Variants in RBP5 observed in about 807,000 individuals in gnomAD.
RBP5 encodes the protein retinol-binding protein 5.
In RBP5, 12 loss-of-function variants were observed where a neutral mutation model predicts 17.8. The observed-to-expected ratio is 0.67, with a 90% CI of 0.43 to 1.09. The LOEUF (loss-of-function observed/expected upper bound fraction) is 1.09. Among genes scored for constraint, RBP5 ranks in the 50% least tolerant of loss-of-function variants. The pLI is 0.00. For missense variants in RBP5, 172 were observed against 169.4 expected, an observed-to-expected ratio of 1.02 and a Z score of -0.09; for synonymous variants, 64 against 68.1, an observed-to-expected ratio of 0.94 and a Z score of 0.30.
chr12:7,126,988 ATTTT>A (rs35155124), intron 2 of RBP5, among the ~76,000 whole-genome samples: 8 of 86,514 alleles, frequency 9.2e-5, no homozygotes, highest in Non-Finnish European at 1.8e-4. Flanking sequence ...GTACTTTTGT[ATTTT>A]TTTTTTTTTT....
At chr12:7,116,241 C>G (rs1384655809) in exon 4 of RBP5, 7 of 152,344 alleles carry the variant, frequency 4.6e-5, no homozygotes, top group Middle Eastern at 3.4e-3. Context: ...TAGAGAAGAC[C>G]CAGAGGCTCC....
Position 7,116,265 on chromosome 12 carries a change from T to G in RBP5, n.1932A>C, listed in dbSNP as rs763943235. ...CCCAGAGGCTCCTTACCCTGGGAGG[T>G]CAAACTGACCATCCAGGTTTGGCTC... is the stretch of plus-strand genomic sequence containing the variant. On this transcript the variant is annotated non_coding_transcript_exon_variant, in exon 4 of 4. Coordinates refer to the RBP5 transcript ENST00000619522. 3 of 152,186 alleles carry G rather than the reference T, an allele frequency of 2.0e-5. No homozygotes were observed. The East Asian group carries it at 5.8e-4, about 29-fold the overall frequency. The allele number at this position is 152,186 out of a possible 1,614,324, so 9.4% of individuals were successfully genotyped here. A position where few individuals can be genotyped will look rare whatever the true frequency, so the allele number is the denominator to read the frequency against.
chr12:7,129,976 C>T (rs1039326945), upstream of RBP5: 8 of 230,376 alleles, frequency 3.5e-5, no homozygotes, highest in African/African-American at 1.9e-4. This position sits in a 1 kb window ranked among gnomAD's most constrained non-coding sequence, Gnocchi z 5.5. Flanking sequence ...TTACTTCACC[C>T]TTCCCAGAGG....
chr12:7,128,898 C>T (rs187874102), upstream of RBP5: 12 of 807,578 alleles, frequency 1.5e-5, no homozygotes, highest in East Asian at 8.2e-5. This position sits in a 1 kb window ranked among gnomAD's most constrained non-coding sequence, Gnocchi z 5.3. Flanking sequence ...GTGTAATGGC[C>T]GGGTTACCAG....
At chr12:7,129,582 G>A, upstream of RBP5, 1 of 983,702 alleles carries the variant, frequency 1.0e-6, no homozygotes. The surrounding 1 kb of genome is among the most constrained non-coding windows in gnomAD (Gnocchi z 5.5). Flanking sequence ...CTGAGTCATC[G>A]ATGAGACCGT....
Position 7,128,411 on chromosome 12 carries a change from G to A in RBP5, c.81C>T (p.Ser27=), listed in dbSNP as rs1233977772. The part of the protein sequence containing the change: ...MEDYLQALNI[S]LAVRKIALLL... Reference sequence around the variant, plus strand: ...GCAGCGCGATCTTCCGCACAGCCAAGCTGATGTCTGTGGGGGCTGCCTGTT... The same window carrying A: ...GCAGCGCGATCTTCCGCACAGCCAAACTGATGTCTGTGGGGGCTGCCTGTT... Residue 27 remains serine (S), a synonymous_variant, in exon 2 of 4, where the codon AGC becomes AGT. Transcript: ENST00000266560. The surrounding 1 kb of genome is among the most constrained non-coding windows in gnomAD (Gnocchi z 5.3). 6.2e-7 allele frequency: 1 copy of A among 1,614,140 alleles called. No homozygotes were observed. Among genetic ancestry groups the A allele is most frequent in the East Asian group, 2.2e-5 (1 of 44,882 alleles).
chr12:7,124,507 A>G lies in RBP5; in HGVS notation c.354+122T>C, dbSNP rs79606860. On this transcript the variant is annotated intron_variant, in intron 3 of 3. Transcript: ENST00000266560. The surrounding 1 kb of genome is among the most constrained non-coding windows in gnomAD (Gnocchi z 5.3). ...TGCTTTTGCTTTCCCTCCCTGGTCA[A>G]TTCCTTGGATAGGGATTGGGGCTGG... 2.9e-6 allele frequency: 2 copies of G among 686,388 alleles called. No individual in the cohort carries two copies. The allele number at this position is 686,388 out of a possible 1,614,324, so 42.5% of individuals were successfully genotyped here. A position where few individuals can be genotyped will look rare whatever the true frequency, so the allele number is the denominator to read the frequency against.
chr12:7,121,585 G>GCCCA (rs942266467), downstream of RBP5: 2 of 152,928 alleles, frequency 1.3e-5, no homozygotes, highest in African/African-American at 4.8e-5. Context: ...GTGGGATGGA[G>GCCCA]CCCAAGTCCT....
At position 7,128,849 on chromosome 12, in the gene RBP5, C is replaced by G. The variant is rs772499671; in HGVS notation, c.-74G>C. The G allele has an allele frequency of 3.3e-6, 4 of 1,203,612 alleles. No individual in the cohort carries two copies. The Admixed American group carries it at 5.9e-5, about 18-fold the overall frequency. 74.6% of individuals were successfully genotyped at this position (1,203,612 alleles called of 1,614,324 possible). On this transcript the variant is annotated 5_prime_UTR_variant, in exon 1 of 4. Coordinates refer to ENST00000266560, the MANE Select transcript of RBP5 (RefSeq NM_031491.4). The surrounding 1 kb of genome is among the most constrained non-coding windows in gnomAD (Gnocchi z 5.3). ...AGGGGGTGTTGTCTGGCAGGTGAGG[C>G]TGAGAGATTCCAGCCAGCTCCACAC...
chr12:7,117,462 G>C lies in RBP5; in HGVS notation n.890-155C>G, dbSNP rs1816472801. 1 of 152,140 alleles carries C rather than the reference G, an allele frequency of 6.6e-6. No individual in the cohort carries two copies. The highest frequency in any genetic ancestry group is 1.5e-5 in the Non-Finnish European group (1 of 68,032). The allele number at this position is 152,140 out of a possible 1,614,324, so 9.4% of individuals were successfully genotyped here. The stretch of plus-strand genomic sequence containing the variant: ...GCAGGATGTTATTTTTGCTGGGTAT[G>C]GTTGTATTTCAGGTGCATTTACCCA... On this transcript the variant is annotated intron_variant and non_coding_transcript_variant, in intron 3 of 3. Coordinates refer to the RBP5 transcript ENST00000619522. This position sits in a 1 kb window ranked among gnomAD's most constrained non-coding sequence, Gnocchi z 4.9.
At chr12:7,120,675 G>A (rs142047639), downstream of RBP5, 869 of 155,138 alleles carry the variant, frequency 5.6e-3, 5 homozygotes, top group African/African-American at 0.019. Flanking sequence ...GACTGAGGGC[G>A]TTACACCAGG....
Position 7,124,158 on chromosome 12 carries a change from T to A in RBP5, c.371A>T (p.Asp124Val). ...CCTGAAGACCTGCTCGCACACTGCA[T>A]CCCTTGCAGTCAGTTCCTGGGGAGA... Reference protein sequence around the residue: ...EMLYLELTARDAVCEQVFRKV... With the variant: ...EMLYLELTARVAVCEQVFRKV... The change falls in exon 4 of 4, where the codon GAT (aspartate) becomes GTT (valine). Residue 124 changes from aspartate to valine, a missense_variant. Transcript: ENST00000266560. This position sits in a 1 kb window ranked among gnomAD's most constrained non-coding sequence, Gnocchi z 5.3. 1 of 1,613,970 alleles carries A rather than the reference T, an allele frequency of 6.2e-7. No homozygotes were observed. The highest frequency in any genetic ancestry group is 8.5e-7 in the Non-Finnish European group (1 of 1,179,968).
chr12:7,126,220 G>A (rs1373315997), intron 2 of RBP5, among the ~76,000 whole-genome samples: 1 of 152,076 alleles, frequency 6.6e-6, no homozygotes, highest in African/African-American at 2.4e-5. Flanking sequence ...TGGGTCAGGA[G>A]CCATATTAGA....
chr12:7,128,248 T>C lies in RBP5; in HGVS notation c.244A>G (p.Lys82Glu), dbSNP rs1383236270. The change falls in exon 2 of 4, where the codon AAA (lysine) becomes GAA (glutamate). Residue 82 changes from lysine (K) to glutamate (E), a missense_variant. Physicochemically the swap from Lys to Glu is moderately conservative, Grantham distance 56 (BLOSUM62 1). Coordinates refer to ENST00000266560, the MANE Select transcript of RBP5 (RefSeq NM_031491.4). This position sits in a 1 kb window ranked among gnomAD's most constrained non-coding sequence, Gnocchi z 5.3. ...EEDLRSVDGR[K>E]CQTIVTWEEE... Reference sequence around the variant, plus strand: ...AGCCAGGGGAAATGTACCTGGCATTTTCGTCCGTCCACGCTCCTGAGGTCC... The same window carrying C: ...AGCCAGGGGAAATGTACCTGGCATTCTCGTCCGTCCACGCTCCTGAGGTCC... The C allele has an allele frequency of 1.9e-6, 3 of 1,610,160 alleles. No homozygotes were observed. The highest frequency in any genetic ancestry group is 2.5e-6 in the Non-Finnish European group (3 of 1,177,316).
downstream of RBP5, chr12:7,119,575 G>T (rs888393111): frequency 2.6e-5 from 4 of 154,864 alleles, no homozygotes; most frequent in African/African-American, 9.6e-5. Context: ...TTACACTTCG[G>T]TGTAAATATG....
At chr12:7,129,574 G>A (rs185225905), upstream of RBP5, 746 of 977,730 alleles carry the variant, frequency 7.6e-4, no homozygotes, top group Non-Finnish European at 8.6e-4. The surrounding 1 kb of genome is among the most constrained non-coding windows in gnomAD (Gnocchi z 5.5). Flanking sequence ...CTCTCCCTCT[G>A]AGTCATCGAT....
At chr12:7,125,788 T>C (rs937878151) in intron 2 of RBP5, among the ~76,000 whole-genome samples, 2 of 152,192 alleles carry the variant, frequency 1.3e-5, no homozygotes, top group African/African-American at 4.8e-5. Flanking sequence ...GAAGAGTTGA[T>C]TCACAGAGAC....
Position 7,128,518 on chromosome 12 carries a change from G to T in RBP5, c.74-100C>A. ...CTGTGAGTTTCCCTTCTTTGGGTCT[G>T]GGACTGTGGATTCACCCCCTCCTAC... is the stretch of plus-strand genomic sequence containing the variant. On this transcript the variant is annotated intron_variant, in intron 1 of 3. Transcript: ENST00000266560. This position sits in a 1 kb window ranked among gnomAD's most constrained non-coding sequence, Gnocchi z 5.3. 1 of 1,343,890 alleles carries T rather than the reference G, an allele frequency of 7.4e-7. No individual in the cohort carries two copies. Among genetic ancestry groups the T allele is most frequent in the Non-Finnish European group, 1.0e-6 (1 of 954,552 alleles). The allele number at this position is 1,343,890 out of a possible 1,614,324, so 83.2% of individuals were successfully genotyped here.
At position 7,128,483 on chromosome 12, in the gene RBP5, C is replaced by A. The variant is rs1939217104; in HGVS notation, c.74-65G>T. The A allele has an allele frequency of 2.6e-6, 4 of 1,524,896 alleles. No individual in the cohort carries two copies. The Admixed American group carries it at 6.9e-5, about 26-fold the overall frequency. 94.5% of individuals were successfully genotyped at this position (1,524,896 alleles called of 1,614,324 possible). ...CCAGGAGCTCCTCTGCCTGCAGCAG[C>A]CCCTCAGGGCTGTGAGTTTCCCTTC... On this transcript the variant is annotated intron_variant, in intron 1 of 3. Coordinates refer to ENST00000266560, the MANE Select transcript of RBP5 (RefSeq NM_031491.4). This position sits in a 1 kb window ranked among gnomAD's most constrained non-coding sequence, Gnocchi z 5.3.
Sources: allele counts gnomAD v4.1 joint callset (sites outside exome capture counted in the v4.1 genomes callset), GRCh38; gene constraint gnomAD v4.1.1; non-coding constraint Gnocchi (gnomAD v3.1); transcripts MANE v1.5; gene names NCBI Gene and HGNC (gene_info 2026-07-23, HGNC 2026-07-21).